Variants in LPGAT1 observed in about 807,000 individuals in gnomAD.
LPGAT1 encodes the protein lysophosphatidylglycerol acyltransferase 1.
A neutral mutation model predicts 47.5 loss-of-function variants in LPGAT1; 11 were observed. The ratio of observed to expected loss-of-function variants is 0.23; its 90% CI spans 0.15 to 0.38. The LOEUF is 0.38. LPGAT1 is among the 10% of genes least tolerant of loss of function. LPGAT1 has a pLI of 1.00. For synonymous variants in LPGAT1, 138 were observed against 144.2 expected, an observed-to-expected ratio of 0.96 and a Z score of 0.31; for missense variants, 293 against 439.0, an observed-to-expected ratio of 0.67 and a Z score of 2.97.
Position 211,748,722 on chromosome 1 carries a change from G to A in LPGAT1, c.*1177C>T, listed in dbSNP as rs886684710. On this transcript the variant is annotated 3_prime_UTR_variant, in exon 8 of 8. Coordinates refer to ENST00000366997, the MANE Select transcript of LPGAT1 (RefSeq NM_014873.3). ...AAAGAAAAAGCAACTGGAAGAGATTGGGGGGAGCCTTATGTGCTGGTATCG... is the reference window on the plus strand; with the variant it reads ...AAAGAAAAAGCAACTGGAAGAGATTAGGGGGAGCCTTATGTGCTGGTATCG... The A allele has an allele frequency of 5.2e-5, 8 of 152,998 alleles. No individual in the cohort carries two copies. The highest frequency in any genetic ancestry group is 1.0e-4 in the Non-Finnish European group (7 of 68,418). The allele number at this position is 152,998 out of a possible 1,614,324, so 9.5% of individuals were successfully genotyped here.
At chr1:211,755,034 C>T (rs368266514) in intron 6 of LPGAT1, among the ~76,000 whole-genome samples, 23 of 117,526 alleles carry the variant, frequency 2.0e-4, no homozygotes, top group African/African-American at 5.7e-4. Context: ...AGCAAGACTC[C>T]GTCTCCAAAA....
chr1:211,759,777 T>C (rs1657615370), intron 6 of LPGAT1, among the ~76,000 whole-genome samples: 1 of 152,198 alleles, frequency 6.6e-6, no homozygotes, highest in Admixed American at 6.5e-5. Context: ...ACAGTAAACA[T>C]TAAATTCCTC....
At chr1:211,800,869 T>G (rs984746392) in intron 2 of LPGAT1, among the ~76,000 whole-genome samples, 16 of 152,200 alleles carry the variant, frequency 1.1e-4, no homozygotes, top group Non-Finnish European at 1.5e-5. Flanking sequence ...ATCTCTATGA[T>G]TCCCTTCCCT....
chr1:211,794,046 AC>A (rs1659249912), intron 2 of LPGAT1, among the ~76,000 whole-genome samples: 1 of 152,206 alleles, frequency 6.6e-6, no homozygotes, highest in Non-Finnish European at 1.5e-5. Flanking sequence ...GCACTGAAAA[AC>A]GTCTAGAAAA....
At chr1:211,757,254 C>CA (rs201385915) in intron 6 of LPGAT1, among the ~76,000 whole-genome samples, 16,995 of 135,218 alleles carry the variant, frequency 0.13, 1,100 homozygotes, top group South Asian at 0.24. Context: ...AATTCTGTCT[C>CA]AAAAAAAAAA....
Position 211,830,116 on chromosome 1 carries a change from G to A in LPGAT1, c.-28+457C>T. 1 of 984,344 alleles carries A rather than the reference G, an allele frequency of 1.0e-6. No individual in the cohort carries two copies. The highest frequency in any genetic ancestry group is 1.2e-6 in the Non-Finnish European group (1 of 829,658). 61.0% of individuals were successfully genotyped at this position (984,344 alleles called of 1,614,324 possible). Reference sequence around the variant, plus strand: ...GACCGCAGCGCGGGGAGCCGGTGGAGCCTGCAGCGGTTTCCGCGGATGTGG... The same window carrying A: ...GACCGCAGCGCGGGGAGCCGGTGGAACCTGCAGCGGTTTCCGCGGATGTGG... On this transcript the variant is annotated intron_variant, in intron 1 of 7. Transcript: ENST00000366997. The surrounding 1 kb of genome is among the most constrained non-coding windows in gnomAD (Gnocchi z 5.9).
chr1:211,799,711 A>C (rs1659496333), intron 2 of LPGAT1, among the ~76,000 whole-genome samples: 1 of 152,204 alleles, frequency 6.6e-6, no homozygotes, highest in Admixed American at 6.5e-5. Flanking sequence ...CAAATAATCA[A>C]GCATTTTTCT....
At chr1:211,782,067 A>G (rs1328840987) in intron 5 of LPGAT1, among the ~76,000 whole-genome samples, 1 of 152,218 alleles carries the variant, frequency 6.6e-6, no homozygotes, top group Non-Finnish European at 1.5e-5. Flanking sequence ...CGCATTTCCT[A>G]CTGCCTTGTT....
chr1:211,751,077 GT>G lies in LPGAT1; in HGVS notation c.855-11del. 3 of 1,559,924 alleles carry G rather than the reference GT, an allele frequency of 1.9e-6. No homozygotes were observed. Among genetic ancestry groups the G allele is most frequent in the Non-Finnish European group, 1.8e-6 (2 of 1,135,180 alleles). On this transcript the variant is annotated splice_polypyrimidine_tract_variant and intron_variant, in intron 6 of 7. Transcript: ENST00000366997. The stretch of plus-strand genomic sequence containing the variant: ...TTTAATTGGAAAGATCCTATTAAGG[GT>G]TAGAAGAAAAGAACAAAAACTATTT...
chr1:211,806,228 A>G (rs1659756693), intron 2 of LPGAT1, among the ~76,000 whole-genome samples: 1 of 151,474 alleles, frequency 6.6e-6, no homozygotes, highest in Non-Finnish European at 1.5e-5. Flanking sequence ...CCACTGTATT[A>G]CAGCCTGGGA....
chr1:211,804,399 GCTTTCTGAATA>G (rs1359822045), intron 2 of LPGAT1, among the ~76,000 whole-genome samples: 1 of 151,894 alleles, frequency 6.6e-6, no homozygotes, highest in African/African-American at 2.4e-5. Context: ...AAAAGATAAG[GCTTTCTGAATA>G]TTAAAATAAC....
intron 2 of LPGAT1, among the ~76,000 whole-genome samples, chr1:211,800,407 C>A (rs1226820720): frequency 1.3e-5 from 2 of 152,022 alleles, no homozygotes; most frequent in African/African-American, 4.8e-5. Flanking sequence ...TTCTTGCTTC[C>A]ACTCCGCCTA....
chr1:211,828,492 T>C (rs186577725), intron 2 of LPGAT1, among the ~76,000 whole-genome samples: 5 of 152,184 alleles, frequency 3.3e-5, no homozygotes, highest in African/African-American at 1.2e-4. Flanking sequence ...CTTAACAAAG[T>C]TAACTTAATT....
At chr1:211,798,353 T>A (rs115847776) in intron 2 of LPGAT1, among the ~76,000 whole-genome samples, 2,675 of 152,222 alleles carry the variant, frequency 0.018, 75 homozygotes, top group African/African-American at 0.062. Flanking sequence ...AAGAGCCCTA[T>A]GCCTACTGTG....
Position 211,743,718 on chromosome 1 carries a change from G to A in LPGAT1, c.*6181C>T, listed in dbSNP as rs1656838699. On this transcript the variant is annotated 3_prime_UTR_variant, in exon 8 of 8. Coordinates refer to ENST00000366997, the MANE Select transcript of LPGAT1 (RefSeq NM_014873.3). ...CTGAGTGCTTCCAATTTGTTTTCAGGCCTCTGTCCCCAGTCTGTTCCTTGT... is the reference window on the plus strand; with the variant it reads ...CTGAGTGCTTCCAATTTGTTTTCAGACCTCTGTCCCCAGTCTGTTCCTTGT... 6.6e-6 allele frequency: 1 copy of A among 152,104 alleles called. No individual in the cohort carries two copies. Among genetic ancestry groups the A allele is most frequent in the African/African-American group, 2.4e-5 (1 of 41,408 alleles). 9.4% of individuals were successfully genotyped at this position (152,104 alleles called of 1,614,324 possible). A position where few individuals can be genotyped will look rare whatever the true frequency, so the allele number is the denominator to read the frequency against.
chr1:211,746,442 C>A lies in LPGAT1; in HGVS notation c.*3457G>T, dbSNP rs1372928489. The stretch of plus-strand genomic sequence containing the variant: ...TCATTTCACTACTCATTAACACAGT[C>A]ATAAATATATAGGCAAAAAACCCCT... On this transcript the variant is annotated 3_prime_UTR_variant, in exon 8 of 8. Coordinates refer to ENST00000366997, the MANE Select transcript of LPGAT1 (RefSeq NM_014873.3). 3.9e-5 allele frequency: 6 copies of A among 152,110 alleles called. No individual in the cohort carries two copies. Among genetic ancestry groups the A allele is most frequent in the Non-Finnish European group, 7.4e-5 (5 of 68,022 alleles). 9.4% of individuals were successfully genotyped at this position (152,110 alleles called of 1,614,324 possible).
At chr1:211,791,031 G>A (rs1659090332) in intron 3 of LPGAT1, among the ~76,000 whole-genome samples, 1 of 152,030 alleles carries the variant, frequency 6.6e-6, no homozygotes, top group Non-Finnish European at 1.5e-5. Context: ...TAGAGGACAG[G>A]CAATAAATAT....
At chr1:211,757,883 C>T (rs1378430423) in intron 6 of LPGAT1, among the ~76,000 whole-genome samples, 1 of 152,174 alleles carries the variant, frequency 6.6e-6, no homozygotes, top group Admixed American at 6.5e-5. Context: ...GTGCCCCCTA[C>T]ATTTTAACCA....
At chr1:211,779,242 T>C (rs1369538517) in intron 5 of LPGAT1, among the ~76,000 whole-genome samples, 198 bp from the exon 6 acceptor site, 2 of 152,178 alleles carry the variant, frequency 1.3e-5, no homozygotes, top group African/African-American at 4.8e-5. Flanking sequence ...ATAAAATGGA[T>C]GAACCTCGAA....
Sources: gnomAD v4.1 joint callset for allele counts (sites outside exome capture counted in the v4.1 genomes callset) on GRCh38, gnomAD v4.1.1 for gene constraint, Gnocchi (gnomAD v3.1) non-coding constraint, MANE v1.5 for transcripts, NCBI Gene and HGNC (gene_info 2026-07-23, HGNC 2026-07-21) for gene names.